Variants in GMDS observed in about 807,000 individuals in gnomAD.
GMDS encodes GDP-mannose 4,6 dehydratase.
In GMDS, 20 loss-of-function variants were observed where a neutral mutation model predicts 49.9. The ratio of observed to expected loss-of-function variants is 0.40; its 90% CI spans 0.28 to 0.58. The LOEUF is 0.58. Ranked by LOEUF, GMDS falls within the 20% of genes least tolerant of loss-of-function variation. GMDS has a pLI of 0.42. For synonymous variants in GMDS, 177 were observed against 178.6 expected, an observed-to-expected ratio of 0.99 and a Z score of 0.07; for missense variants, 362 against 481.4, an observed-to-expected ratio of 0.75 and a Z score of 2.32.
chr6:2,028,655 GCAGGATGCA>G (rs1768766806), intron 4 of GMDS, among the ~76,000 whole-genome samples: 4 of 152,188 alleles, frequency 2.6e-5, no homozygotes, highest in Admixed American at 6.5e-5. Flanking sequence ...AAATGGGCTT[GCAGGATGCA>G]CACATGCTGC....
chr6:2,120,051 G>A (rs1448841605), intron 2 of GMDS, among the ~76,000 whole-genome samples: 2 of 152,120 alleles, frequency 1.3e-5, no homozygotes, highest in Middle Eastern at 3.2e-3. Flanking sequence ...AGGCAAGGAC[G>A]ACTCCCAGGG....
At chr6:1,994,240 AAC>A (rs1327971522) in intron 4 of GMDS, among the ~76,000 whole-genome samples, 1 of 152,178 alleles carries the variant, frequency 6.6e-6, no homozygotes, top group African/African-American at 2.4e-5. Context: ...TTATCAACAA[AAC>A]ACACAGACAC....
chr6:1,927,444 G>C (rs1371763209), intron 7 of GMDS, among the ~76,000 whole-genome samples: 2 of 152,226 alleles, frequency 1.3e-5, no homozygotes, highest in African/African-American at 2.4e-5. Context: ...AGCGTGCTGT[G>C]TGCACATGCT....
chr6:1,681,739 G>A (rs1764800194), intron 9 of GMDS, among the ~76,000 whole-genome samples: 1 of 152,238 alleles, frequency 6.6e-6, no homozygotes, highest in Non-Finnish European at 1.5e-5. Context: ...AATGCACTAA[G>A]GCTGGAGTGC....
chr6:1,759,854 G>A (rs1768092353), intron 7 of GMDS, among the ~76,000 whole-genome samples: 1 of 152,190 alleles, frequency 6.6e-6, no homozygotes, highest in Admixed American at 6.5e-5. Context: ...GTCAAGCCAG[G>A]TGTATTTAAA....
chr6:1,924,783 T>C (rs942149285), intron 7 of GMDS, among the ~76,000 whole-genome samples: 1 of 152,176 alleles, frequency 6.6e-6, no homozygotes, highest in Non-Finnish European at 1.5e-5. Flanking sequence ...AAATGGCGCA[T>C]TGCCACTAGA....
At chr6:1,989,625 C>T (rs894391353) in intron 4 of GMDS, among the ~76,000 whole-genome samples, 2 of 152,218 alleles carry the variant, frequency 1.3e-5, no homozygotes, top group Admixed American at 1.3e-4. Context: ...ACACTGTGGG[C>T]ACTAGATGAC....
At chr6:2,069,290 G>A (rs549312585) in intron 4 of GMDS, among the ~76,000 whole-genome samples, 17 of 152,242 alleles carry the variant, frequency 1.1e-4, no homozygotes, top group Admixed American at 2.6e-4. Context: ...AGACTTAAAC[G>A]TTAGATCTAA....
chr6:1,742,224 A>C (rs117901379), intron 8 of GMDS, among the ~76,000 whole-genome samples: 5,511 of 152,160 alleles, frequency 0.036, 212 homozygotes, highest in East Asian at 0.16. Flanking sequence ...CTGGCCAAAA[A>C]CATCTTAAAA....
At chr6:2,217,532 G>A (rs1780396452) in intron 1 of GMDS, among the ~76,000 whole-genome samples, 1 of 152,142 alleles carries the variant, frequency 6.6e-6, no homozygotes, top group African/African-American at 2.4e-5. Context: ...TTTTACTGGG[G>A]TAAGGTAGGA....
At chr6:2,059,002 C>T (rs1770945902) in intron 4 of GMDS, among the ~76,000 whole-genome samples, 1 of 151,472 alleles carries the variant, frequency 6.6e-6, no homozygotes, top group Admixed American at 6.6e-5. Context: ...ACGGTGAAAC[C>T]CCATCTCTAC....
At chr6:1,696,783 G>A (rs1765357607) in intron 9 of GMDS, among the ~76,000 whole-genome samples, 1 of 152,192 alleles carries the variant, frequency 6.6e-6, no homozygotes, top group African/African-American at 2.4e-5. Context: ...CTCTGGAGAG[G>A]CTTCATCTCC....
chr6:1,915,602 T>A (rs1283495882), intron 7 of GMDS, among the ~76,000 whole-genome samples: 2 of 152,152 alleles, frequency 1.3e-5, no homozygotes, highest in Non-Finnish European at 2.9e-5. Flanking sequence ...AGTATCTGTA[T>A]CTCAGAAAGG....
intron 4 of GMDS, among the ~76,000 whole-genome samples, chr6:2,083,257 T>G (rs977996404): frequency 2.6e-5 from 4 of 152,152 alleles, no homozygotes; most frequent in Non-Finnish European, 5.9e-5. Flanking sequence ...TTAATCATAC[T>G]TCCTGCACTT....
chr6:2,089,374 A>C (rs1773190018), intron 4 of GMDS, among the ~76,000 whole-genome samples: 1 of 152,200 alleles, frequency 6.6e-6, no homozygotes, highest in Non-Finnish European at 1.5e-5. Context: ...ATGACAAGGA[A>C]GGACTTAACC....
intron 9 of GMDS, among the ~76,000 whole-genome samples, chr6:1,660,790 G>A (rs1764043218): frequency 6.8e-6 from 1 of 146,482 alleles, no homozygotes; most frequent in Non-Finnish European, 1.5e-5. Flanking sequence ...GAGATGACAG[G>A]AGATGTTGGC....
chr6:2,193,430 T>C (rs1461697971), intron 1 of GMDS, among the ~76,000 whole-genome samples: 5 of 152,226 alleles, frequency 3.3e-5, no homozygotes, highest in Admixed American at 6.5e-5. Flanking sequence ...AGTCTGCATC[T>C]GCAGCTGCCA....
At chr6:1,945,495 T>C (rs1043857303) in intron 6 of GMDS, among the ~76,000 whole-genome samples, 3 of 152,232 alleles carry the variant, frequency 2.0e-5, no homozygotes, top group Admixed American at 6.5e-5. Flanking sequence ...CGCAAGGAGA[T>C]AAAGTTTCAC....
intron 4 of GMDS, among the ~76,000 whole-genome samples, chr6:2,065,627 G>C (rs899774947): frequency 5.3e-5 from 8 of 152,252 alleles, no homozygotes; most frequent in African/African-American, 1.7e-4. Flanking sequence ...GAAGAATGCA[G>C]AAGCCTCAGG....
Sources: gnomAD v4.1 joint callset for allele counts (sites outside exome capture counted in the v4.1 genomes callset) on GRCh38, gnomAD v4.1.1 for gene constraint, MANE v1.5 for transcripts, NCBI Gene and HGNC (gene_info 2026-07-23, HGNC 2026-07-21) for gene names.